Variants in POLK observed in about 807,000 individuals in gnomAD.
The protein encoded by POLK is polymerase (DNA directed) kappa.
Under a neutral mutation model 94.0 loss-of-function variants are expected in POLK, and 76 were observed. The ratio of observed to expected loss-of-function variants is 0.81; its 90% confidence interval spans 0.67 to 0.98. POLK has a LOEUF of 0.98. Among genes scored for constraint, POLK ranks in the 50% least tolerant of loss-of-function variants. The pLI is 0.00. For synonymous variants in POLK, 349 were observed against 325.4 expected (o/e 1.07, Z -0.78); for missense variants, 954 against 1,010.1 (o/e 0.94, Z 0.75).
chr5:75,547,065 C>T, exon 2 of POLK: 1 of 1,532,722 alleles, frequency 6.5e-7, no homozygotes, highest in Non-Finnish European at 8.9e-7. Context: ...CAAAGATGAT[C>T]TTCTGCTTAG....
At chr5:75,609,413 A>T in the POLK span, 1 of 152,000 alleles carries the variant, frequency 6.6e-6, no homozygotes, top group Non-Finnish European at 1.5e-5. Flanking sequence ...ACAGGCATGC[A>T]CCACCATGCC....
chr5:75,573,532 A>G (rs1162302600), intron 4 of POLK, among the ~76,000 whole-genome samples: 1 of 152,182 alleles, frequency 6.6e-6, no homozygotes, highest in African/African-American at 2.4e-5. Context: ...TATATGATAG[A>G]ATGATGACCT....
At chr5:75,587,748 C>G (rs1772546539) in intron 10 of POLK, among the ~76,000 whole-genome samples, 3 of 152,148 alleles carry the variant, frequency 2.0e-5, no homozygotes, top group African/African-American at 7.2e-5. Flanking sequence ...TGGCAAAACC[C>G]TGACTCTACT....
chr5:75,561,142 C>G (rs914519327), intron 3 of POLK, among the ~76,000 whole-genome samples: 11 of 152,140 alleles, frequency 7.2e-5, no homozygotes, highest in Admixed American at 6.5e-5. Context: ...AGTGTAAAAG[C>G]ATTCCTATTT....
At chr5:75,588,821 C>G (rs1262575167) in intron 10 of POLK, among the ~76,000 whole-genome samples, 3 of 152,178 alleles carry the variant, frequency 2.0e-5, no homozygotes. Context: ...GACTCTAACC[C>G]TCCTGCCTCC....
chr5:75,559,232 A>T (rs894778080), intron 3 of POLK, among the ~76,000 whole-genome samples: 1 of 152,158 alleles, frequency 6.6e-6, no homozygotes, highest in Non-Finnish European at 1.5e-5. Context: ...ATTATGTGTG[A>T]TATGATAGTA....
chr5:75,586,943 G>T, intron 9 of POLK, 83 bp from the exon 10 acceptor site: 2 of 911,910 alleles, frequency 2.2e-6, no homozygotes, highest in Non-Finnish European at 3.4e-6. Flanking sequence ...GCTCTAAAAG[G>T]TAATTGATAA....
chr5:75,512,376 G>A (rs1375355703), intron 1 of POLK: 2 of 152,222 alleles, frequency 1.3e-5, no homozygotes, highest in Non-Finnish European at 2.9e-5. Context: ...GAGAATAAAT[G>A]ACGTTAGAAA....
At chr5:75,535,972 C>G (rs1769422290) in intron 1 of POLK, among the ~76,000 whole-genome samples, 1 of 152,156 alleles carries the variant, frequency 6.6e-6, no homozygotes, top group South Asian at 2.1e-4. Flanking sequence ...TAGTTAAGAA[C>G]CATTGCCTGG....
chr5:75,548,796 A>G (rs1166821156), intron 2 of POLK, among the ~76,000 whole-genome samples: 2 of 152,170 alleles, frequency 1.3e-5, no homozygotes, highest in East Asian at 3.9e-4. Context: ...GGAAGAAATC[A>G]AATGTAGCAG....
intron 8 of POLK, 31 bp downstream of exon 8, chr5:75,583,448 A>G (rs765489149): frequency 7.8e-6 from 11 of 1,414,924 alleles, no homozygotes; most frequent in Non-Finnish European, 1.1e-5. Context: ...TTATTTATAT[A>G]TGTACTCTGA....
chr5:75,510,988 C>G, upstream of POLK: 1 of 1,301,720 alleles, frequency 7.7e-7, no homozygotes, highest in South Asian at 1.6e-5. Flanking sequence ...GTCGCTGCAG[C>G]AACACTCAGC....
chr5:75,561,012 C>G (rs535391216), intron 3 of POLK, among the ~76,000 whole-genome samples: 91 of 152,054 alleles, frequency 6.0e-4, no homozygotes, highest in Non-Finnish European at 1.2e-3. Context: ...GATTTATAAT[C>G]TTTTGGGTAT....
At chr5:75,558,524 A>G (rs1216481488) in intron 3 of POLK, among the ~76,000 whole-genome samples, 2 of 152,048 alleles carry the variant, frequency 1.3e-5, no homozygotes, top group East Asian at 3.8e-4. Flanking sequence ...AAAATTCTCA[A>G]TTGTTCTTTG....
intron 1 of POLK, among the ~76,000 whole-genome samples, chr5:75,520,546 C>T (rs1768522036): frequency 6.6e-6 from 1 of 152,144 alleles, no homozygotes; most frequent in African/African-American, 2.4e-5. Context: ...AGGCATTTGC[C>T]ACCATGCTCA....
At chr5:75,551,209 A>G (rs1418090218) in intron 2 of POLK, among the ~76,000 whole-genome samples, 2 of 152,182 alleles carry the variant, frequency 1.3e-5, no homozygotes, top group African/African-American at 2.4e-5. Flanking sequence ...TAGAAGAACA[A>G]TCAATAAAAG....
chr5:75,570,496 A>C (rs980193825), intron 4 of POLK, among the ~76,000 whole-genome samples: 1 of 152,240 alleles, frequency 6.6e-6, no homozygotes, highest in Non-Finnish European at 1.5e-5. Flanking sequence ...AATGATTACT[A>C]TCTGGACTTC....
chr5:75,596,789 A>G (rs1226683459), exon 13 of POLK: 6 of 1,612,098 alleles, frequency 3.7e-6, no homozygotes, highest in East Asian at 2.2e-5. Flanking sequence ...TCTTCAGTAG[A>G]TTGTATAGCT....
At chr5:75,544,078 C>G (rs1380274256) in intron 1 of POLK, among the ~76,000 whole-genome samples, 3 of 152,216 alleles carry the variant, frequency 2.0e-5, no homozygotes, top group African/African-American at 7.2e-5. Flanking sequence ...CTTAACCAAT[C>G]CTCCTGCCTT....
Sources: gnomAD v4.1 joint callset for allele counts (sites outside exome capture counted in the v4.1 genomes callset) on GRCh38, gnomAD v4.1.1 for gene constraint, MANE v1.5 for transcripts, NCBI Gene and HGNC (gene_info 2026-07-23, HGNC 2026-07-21) for gene names.